SOX7: variants seen among roughly 807,000 people sequenced by gnomAD.
The protein encoded by SOX7 is transcription factor SOX-7.
In SOX7, 19 loss-of-function variants were observed where a neutral mutation model predicts 24.9. The observed-to-expected ratio is 0.76, with a 90% CI of 0.53 to 1.12. SOX7 has a LOEUF of 1.12. Among genes scored for constraint, SOX7 ranks in the 50% most tolerant of loss-of-function variants. The pLI is 0.00. For synonymous variants in SOX7, 327 were observed against 244.5 expected (o/e 1.34, Z -3.15); for missense variants, 702 against 535.0 (o/e 1.31, Z -3.08).
At chr8:10,727,041 T>A (rs370933628) in intron 1 of SOX7, among the ~76,000 whole-genome samples, 2 of 152,206 alleles carry the variant, frequency 1.3e-5, no homozygotes, top group African/African-American at 4.8e-5. Flanking sequence ...GGGCTCTTTT[T>A]ACCCTTCCAG....
At chr8:10,729,952 C>G (rs922738278) in intron 1 of SOX7, among the ~76,000 whole-genome samples, 4 of 152,260 alleles carry the variant, frequency 2.6e-5, no homozygotes, top group South Asian at 4.1e-4. Flanking sequence ...CCTGTCCCAG[C>G]AGAGGAGCCT....
At chr8:10,729,274 T>C (rs1195861855) in intron 1 of SOX7, 1 of 152,190 alleles carries the variant, frequency 6.6e-6, no homozygotes, top group East Asian at 1.9e-4. Flanking sequence ...TTGGGAAGGG[T>C]AGAGCCGGCC....
In SOX7 at chr8:10,726,111, G is replaced by A. The variant is rs775665204; in HGVS notation, c.794C>T (p.Ser265Phe). 5.1e-6 allele frequency: 8 copies of A among 1,570,168 alleles called. No individual in the cohort carries two copies. In the South Asian group the frequency reaches 7.3e-5, roughly 14 times the overall value. Residue 265 changes from serine to phenylalanine, a missense_variant, in exon 2 of 2, where the codon TCC (serine) becomes TTC (phenylalanine). Coordinates refer to ENST00000304501, the MANE Select transcript of SOX7 (RefSeq NM_031439.4). Reference sequence around the variant, plus strand: ...AGGGGACATCATGGAGACGCCGGGGGACTGGCCAAGGGCCAGGGAGCCCAG... The same window carrying A: ...AGGGGACATCATGGAGACGCCGGGGAACTGGCCAAGGGCCAGGGAGCCCAG... ...HPLGSLALGQSPGVSMMSPVP... is the reference protein window; with the variant it reads ...HPLGSLALGQFPGVSMMSPVP...
chr8:10,726,934 G>A (rs1175145377), intron 1 of SOX7, among the ~76,000 whole-genome samples: 2 of 152,168 alleles, frequency 1.3e-5, no homozygotes, highest in Admixed American at 1.3e-4. Context: ...AGCCGCCAGA[G>A]CGTGCCCACA....
chr8:10,728,611 G>A (rs778131044), intron 1 of SOX7, among the ~76,000 whole-genome samples: 7 of 152,332 alleles, frequency 4.6e-5, no homozygotes, highest in Non-Finnish European at 8.8e-5. Context: ...TGCAGGCCCC[G>A]ATGGGGACCA....
rs1032292622 is a variant in SOX7, at chr8:10,725,260, C to G, written c.*478G>C. The stretch of plus-strand genomic sequence containing the variant: ...GGGGTGCAGAAAGTGCAGAAAGCCT[C>G]GTGGTCCTTGGGCTGTGCACACAAA... On this transcript the variant is annotated 3_prime_UTR_variant, in exon 2 of 2. Transcript: ENST00000304501. 6.2e-6 allele frequency: 1 copy of G among 161,320 alleles called. No homozygotes were observed. The highest frequency in any genetic ancestry group is 1.4e-5 in the Non-Finnish European group (1 of 73,362). 10.0% of individuals were successfully genotyped at this position (161,320 alleles called of 1,614,324 possible).
intron 1 of SOX7, among the ~76,000 whole-genome samples, chr8:10,727,134 T>A (rs1053349091): frequency 2.4e-4 from 37 of 152,222 alleles, no homozygotes; most frequent in Non-Finnish European, 4.7e-4. Flanking sequence ...CTATCATATT[T>A]ACCTATGGCA....
chr8:10,726,249 A>G lies in SOX7; in HGVS notation c.656T>C (p.Phe219Ser). Reference sequence around the variant, plus strand: ...CTCCTCCTGGCAGGGGGAGGAGAAGAAGGTCTGCTCCGGCTCCAGCACGTC... The same window carrying G: ...CTCCTCCTGGCAGGGGGAGGAGAAGGAGGTCTGCTCCGGCTCCAGCACGTC... ...PLDVLEPEQT[F>S]FSSPCQEEHG... The change falls in exon 2 of 2, where the codon TTC becomes TCC. Residue 219 changes from phenylalanine (F) to serine (S), a missense_variant. Transcript: ENST00000304501. 6.2e-7 allele frequency: 1 copy of G among 1,613,708 alleles called. No homozygotes were observed. Among genetic ancestry groups the G allele is most frequent in the East Asian group, 2.2e-5 (1 of 44,824 alleles).
At position 10,725,680 on chromosome 8, in the gene SOX7, C is replaced by T; in HGVS notation, c.*58G>A. 1 of 1,586,764 alleles carries T rather than the reference C, an allele frequency of 6.3e-7. No individual in the cohort carries two copies. Among genetic ancestry groups the T allele is most frequent in the Non-Finnish European group, 8.6e-7 (1 of 1,159,266 alleles). ...TGGTGTGGCTGGACGGCTCCTCTGC[C>T]ACTCAAGGCACAAGAAGGAGAGGGC... On this transcript the variant is annotated 3_prime_UTR_variant, in exon 2 of 2. Transcript: ENST00000304501.
Position 10,726,502 on chromosome 8 carries a change from G to C in SOX7, c.403C>G (p.Leu135Val). The change falls in exon 2 of 2, where the codon CTG becomes GTG. Residue 135 changes from leucine (L) to valine (V), a missense_variant. Leu to Val is a conservative substitution (Grantham distance 32, BLOSUM62 1). Transcript: ENST00000304501. ...TTCTGGTCCCGGGAGAGGGAGCTCA[G>C]AAGGAAGCCCGGGTCCACGCGCTTG... ...LCKRVDPGFLLSSLSRDQNAL... is the reference protein window; with the variant it reads ...LCKRVDPGFLVSSLSRDQNAL... 6.2e-7 allele frequency: 1 copy of C among 1,612,570 alleles called. No individual in the cohort carries two copies. The highest frequency in any genetic ancestry group is 8.5e-7 in the Non-Finnish European group (1 of 1,179,964).
Position 10,725,502 on chromosome 8 carries a change from T to C in SOX7, c.*236A>G, listed in dbSNP as rs1014041463. 5.3e-6 allele frequency: 3 copies of C among 565,554 alleles called. No individual in the cohort carries two copies. In the African/African-American group the frequency reaches 5.7e-5, roughly 11 times the overall value. 35.0% of individuals were successfully genotyped at this position (565,554 alleles called of 1,614,324 possible). On this transcript the variant is annotated 3_prime_UTR_variant, in exon 2 of 2. Coordinates refer to ENST00000304501, the MANE Select transcript of SOX7 (RefSeq NM_031439.4). The stretch of plus-strand genomic sequence containing the variant: ...CAACTCTCAGGGGCTGGAGGAAAAC[T>C]CACTTGAAGGAATATACTTAAAATG...
intron 1 of SOX7, among the ~76,000 whole-genome samples, chr8:10,727,917 C>A (rs944874925): frequency 1.3e-5 from 2 of 152,238 alleles, no homozygotes; most frequent in Non-Finnish European, 2.9e-5. Context: ...CCTCCGTTGA[C>A]TGGCTCCTTG....
Position 10,726,659 on chromosome 8 carries a change from C to A in SOX7, c.246G>T (p.Ser82=), listed in dbSNP as rs769113063. Reference sequence around the variant, plus strand: ...TCTGGGACAGCGTCAGCGCCTTCCACGACTTTCCTGCTCACACAAGGCAGA... The same window carrying A: ...TCTGGGACAGCGTCAGCGCCTTCCAAGACTTTCCTGCTCACACAAGGCAGA... ...NAELSKMLGK[S]WKALTLSQKR... is the part of the protein sequence containing the mutation. Residue 82 remains serine (S), a synonymous_variant, in exon 2 of 2, where the codon TCG becomes TCT. Transcript: ENST00000304501. The A allele has an allele frequency of 3.2e-6, 5 of 1,568,136 alleles. No homozygotes were observed. The highest frequency in any genetic ancestry group is 3.4e-6 in the Non-Finnish European group (4 of 1,162,182).
Position 10,725,966 on chromosome 8 carries a change from G to T in SOX7, c.939C>A (p.Asp313Glu), listed in dbSNP as rs113624178. The change falls in exon 2 of 2, where the codon GAC (aspartate) becomes GAA (glutamate). Residue 313 changes from aspartate (D) to glutamate (E), a missense_variant. By Grantham distance (45) the Asp-to-Glu change is conservative. Coordinates refer to ENST00000304501, the MANE Select transcript of SOX7 (RefSeq NM_031439.4). ...CCACCTGGCTCAGTTGATCCAGGGC[G>T]TCGAAGCCAGGGTGCTCAGGAGGCG... ...LSPPPEHPGFDALDQLSQVEL... is the reference protein window; with the variant it reads ...LSPPPEHPGFEALDQLSQVEL... The T allele has an allele frequency of 7.5e-6, 12 of 1,610,158 alleles. No individual in the cohort carries two copies. Among genetic ancestry groups the T allele is most frequent in the Non-Finnish European group, 1.0e-5 (12 of 1,177,314 alleles).
chr8:10,727,773 C>A (rs1480642331), intron 1 of SOX7, among the ~76,000 whole-genome samples: 1 of 152,170 alleles, frequency 6.6e-6, no homozygotes, highest in African/African-American at 2.4e-5. Context: ...CATGTTCTAC[C>A]ATGATGCTAA....
Position 10,725,581 on chromosome 8 carries a change from G to T in SOX7, c.*157C>A. 1.4e-6 allele frequency: 1 copy of T among 703,850 alleles called. No individual in the cohort carries two copies. The highest frequency in any genetic ancestry group is 1.8e-5 in the South Asian group (1 of 54,410). The allele number at this position is 703,850 out of a possible 1,614,324, so 43.6% of individuals were successfully genotyped here. A position where few individuals can be genotyped will look rare whatever the true frequency, so the allele number is the denominator to read the frequency against. Reference sequence around the variant, plus strand: ...GGGGATAGAGGCGGCACTCGGATAAGGAGAGTCCAGCTTAGGCCAAAGGCT... The same window carrying T: ...GGGGATAGAGGCGGCACTCGGATAATGAGAGTCCAGCTTAGGCCAAAGGCT... On this transcript the variant is annotated 3_prime_UTR_variant, in exon 2 of 2. Transcript: ENST00000304501.
rs759747735 is a variant in SOX7, at chr8:10,726,707, C to G, written c.239-41G>C. On this transcript the variant is annotated intron_variant, in intron 1 of 1. Transcript: ENST00000304501. ...AGAGGAGGCCATGCTCAGTGCTGTG[C>G]CCCGCAGGCATCGCACATGCACACG... is the stretch of plus-strand genomic sequence containing the variant. 4 of 1,511,674 alleles carry G rather than the reference C, an allele frequency of 2.6e-6. No homozygotes were observed. In the South Asian group the frequency reaches 5.2e-5, roughly 20 times the overall value. The allele number at this position is 1,511,674 out of a possible 1,614,324, so 93.6% of individuals were successfully genotyped here.
chr8:10,730,383 C>A lies in SOX7; in HGVS notation c.51G>T (p.Pro17=), dbSNP rs746866287. The A allele has an allele frequency of 1.3e-6, 2 of 1,536,214 alleles. No individual in the cohort carries two copies. The highest frequency in any genetic ancestry group is 2.6e-5 in the East Asian group (1 of 38,106). ...AYPWPEGLEC[P]ALDAELSDGQ... is the part of the protein sequence containing the mutation. ...CATCCGACAGCTCGGCGTCCAGGGC[C>A]GGGCACTCGAGACCCTCGGGCCAAG... Residue 17 remains proline (P), a synonymous_variant, in exon 1 of 2, where the codon CCG becomes CCT. Coordinates refer to ENST00000304501, the MANE Select transcript of SOX7 (RefSeq NM_031439.4). This position sits in a 1 kb window ranked among gnomAD's most constrained non-coding sequence, Gnocchi z 4.8.
Position 10,726,307 on chromosome 8 carries a change from C to T in SOX7, c.598G>A (p.Gly200Arg), listed in dbSNP as rs941292547. 1 of 1,613,630 alleles carries T rather than the reference C, an allele frequency of 6.2e-7. No individual in the cohort carries two copies. Among genetic ancestry groups the T allele is most frequent in the Non-Finnish European group, 8.5e-7 (1 of 1,179,918 alleles). Residue 200 changes from glycine (G) to arginine (R), a missense_variant, in exon 2 of 2, where the codon GGG (glycine) becomes AGG (arginine). Physicochemically the swap from Gly to Arg is moderately radical, Grantham distance 125. Coordinates refer to ENST00000304501, the MANE Select transcript of SOX7 (RefSeq NM_031439.4). Reference sequence around the variant, plus strand: ...GACATTTCAGGAGGTGTGGGCAGCCCGTACGGGTACGTGTCCACACTGCTC... The same window carrying T: ...GACATTTCAGGAGGTGTGGGCAGCCTGTACGGGTACGTGTCCACACTGCTC... ...TPSSVDTYPY[G>R]LPTPPEMSPL... is the part of the protein sequence containing the mutation.
Sources: allele counts gnomAD v4.1 joint callset (sites outside exome capture counted in the v4.1 genomes callset), GRCh38; gene constraint gnomAD v4.1.1; non-coding constraint Gnocchi (gnomAD v3.1); transcripts MANE v1.5; gene names NCBI Gene and HGNC (gene_info 2026-07-23, HGNC 2026-07-21).